Variants in SCUBE1 observed in about 807,000 individuals in gnomAD.
SCUBE1 encodes signal peptide, CUB domain and EGF like domain containing 1.
SCUBE1 carries 59 observed loss-of-function variants against 124.4 expected under a neutral mutation model. The observed-to-expected ratio is 0.47, with a 90% CI of 0.38 to 0.59. SCUBE1 has a LOEUF of 0.59. Among genes scored for constraint, SCUBE1 ranks in the 20% least tolerant of loss-of-function variants. The pLI, the probability that SCUBE1 is intolerant of heterozygous loss-of-function variation, is 0.00. For missense variants in SCUBE1, 1,150 were observed against 1,371.2 expected (o/e 0.84, Z 2.55); for synonymous variants, 545 against 550.9 (o/e 0.99, Z 0.15).
At chr22:43,225,130 C>T (rs996893803) in intron 10 of SCUBE1, among the ~76,000 whole-genome samples, 10 of 152,114 alleles carry the variant, frequency 6.6e-5, no homozygotes, top group African/African-American at 1.2e-4. Context: ...TCAAACCTTC[C>T]GAAATCCACT....
intron 2 of SCUBE1, among the ~76,000 whole-genome samples, chr22:43,330,539 C>T (rs1926872042): frequency 6.6e-6 from 1 of 152,228 alleles, no homozygotes; most frequent in Non-Finnish European, 1.5e-5. Context: ...AGGCAGGAAA[C>T]ATGTTTTGGC....
chr22:43,309,631 CCATTT>C (rs1238493759), intron 3 of SCUBE1, among the ~76,000 whole-genome samples: 1 of 152,136 alleles, frequency 6.6e-6, no homozygotes, highest in Admixed American at 6.5e-5. Context: ...TGCACCATCT[CCATTT>C]CGATGGCTGC....
At position 43,258,920 on chromosome 22, in the gene SCUBE1, G is replaced by C. The variant is rs773869081; in HGVS notation, c.611-585C>G. Among the ~76,000 whole-genome samples the C allele has an allele frequency of 6.6e-6, 1 of 152,158 alleles. No individual in the cohort carries two copies. The highest frequency in any genetic ancestry group is 1.5e-5 in the Non-Finnish European group (1 of 68,032). ...ATCCTCCGGGAGCTCGGCAATGTCC[G>C]AACAGACAGACTCATGCAAGTTAAT... is the stretch of plus-strand genomic sequence containing the variant. On this transcript the variant is annotated intron_variant, in intron 5 of 21. Transcript: ENST00000360835. The surrounding 1 kb of genome is among the most constrained non-coding windows in gnomAD (Gnocchi z 5.0).
At chr22:43,232,092 C>CTCCCCAAGCTTCACCACT in intron 7 of SCUBE1, 1 of 566,614 alleles carries the variant, frequency 1.8e-6, no homozygotes, top group Non-Finnish European at 3.2e-6. Context: ...GAAGGGCCAG[C>CTCCCCAAGCTTCACCACT]TCCCCAAGCT....
chr22:43,232,370 C>T (rs554740955), intron 7 of SCUBE1: 92 of 158,048 alleles, frequency 5.8e-4, no homozygotes, highest in Non-Finnish European at 1.1e-3. Flanking sequence ...AAGGATATCA[C>T]GAGGACTAGG....
chr22:43,250,870 T>C lies in SCUBE1; in HGVS notation c.727+7349A>G, dbSNP rs934544581. Among the ~76,000 whole-genome samples the C allele has an allele frequency of 6.6e-5, 10 of 152,128 alleles. 1 individual carries two copies. The highest frequency in any genetic ancestry group is 3.9e-4 in the Admixed American group (6 of 15,286). On this transcript the variant is annotated intron_variant, in intron 6 of 21. Transcript: ENST00000360835. ...ACAGGAGGAACATCACAGCCAGAAA[T>C]GCTACTGGGCCTGCAGAACCGCGTC...
In SCUBE1 at chr22:43,231,943, C is replaced by G. The variant is rs735704; in HGVS notation, c.845-68G>C. On this transcript the variant is annotated intron_variant, in intron 7 of 21. Coordinates refer to ENST00000360835, the MANE Select transcript of SCUBE1 (RefSeq NM_173050.5). ...TCAGCTTGTGTGACCAGCGGGGGGA[C>G]GGCAGGCTAGCGGCAGGGGATGACA... 5.7e-6 allele frequency: 9 copies of G among 1,586,382 alleles called. No homozygotes were observed. In the South Asian group the frequency reaches 1.0e-4, roughly 18 times the overall value.
chr22:43,330,409 A>G (rs1926867965), intron 2 of SCUBE1, among the ~76,000 whole-genome samples: 1 of 152,184 alleles, frequency 6.6e-6, no homozygotes, highest in Non-Finnish European at 1.5e-5. Flanking sequence ...TCCCCTCCTC[A>G]GGCAGAGATA....
chr22:43,286,527 G>A (rs1032396726), intron 4 of SCUBE1, among the ~76,000 whole-genome samples: 3 of 152,262 alleles, frequency 2.0e-5, no homozygotes, highest in Admixed American at 6.5e-5. Flanking sequence ...GTGAGGCCCA[G>A]TGTCAGTGCT....
intron 21 of SCUBE1, among the ~76,000 whole-genome samples, chr22:43,205,598 TCACCACACACC>T (rs1921197802): frequency 7.0e-6 from 1 of 141,870 alleles, no homozygotes; most frequent in South Asian, 2.3e-4. Flanking sequence ...ACACACCCAC[TCACCACACACC>T]CACCACACCC....
intron 6 of SCUBE1, among the ~76,000 whole-genome samples, chr22:43,257,294 A>G (rs1257925948): frequency 6.6e-6 from 1 of 152,124 alleles, no homozygotes; most frequent in Non-Finnish European, 1.5e-5. Context: ...TTCCAGATTG[A>G]CGATAAGAAA....
chr22:43,278,429 C>A (rs1398777222), intron 4 of SCUBE1, among the ~76,000 whole-genome samples: 1 of 152,288 alleles, frequency 6.6e-6, no homozygotes, highest in East Asian at 1.9e-4. Flanking sequence ...GCCGTGCTGC[C>A]CCAGCACTCA....
At chr22:43,272,144 C>T (rs1048557925) in intron 4 of SCUBE1, among the ~76,000 whole-genome samples, 1 of 152,194 alleles carries the variant, frequency 6.6e-6, no homozygotes, top group African/African-American at 2.4e-5. Flanking sequence ...TCGTCCTTCT[C>T]ACTGCCCCCT....
intron 3 of SCUBE1, among the ~76,000 whole-genome samples, chr22:43,312,584 AGTTGGATGGGGTAAGACAAGGTCCC>A (rs1926208517): frequency 2.6e-5 from 4 of 152,146 alleles, no homozygotes; most frequent in Non-Finnish European, 5.9e-5. Context: ...GGCTCCGTAC[AGTTGGATGGGGTAAGACAAGGTCCC>A]AAGGGTGGCT....
intron 6 of SCUBE1, among the ~76,000 whole-genome samples, chr22:43,257,441 GA>G (rs1195807680): frequency 6.6e-6 from 1 of 152,174 alleles, no homozygotes; most frequent in African/African-American, 2.4e-5. Context: ...TTAAGTGGGA[GA>G]AAAAAACCTA....
In SCUBE1 at chr22:43,255,094, T is replaced by C. The variant is rs1272509305; in HGVS notation, c.727+3125A>G. On this transcript the variant is annotated intron_variant, in intron 6 of 21. Transcript: ENST00000360835. This position sits in a 1 kb window ranked among gnomAD's most constrained non-coding sequence, Gnocchi z 4.7. ...AGTCTCAGTGCTGCTTTGCTGAGCC[T>C]GGGAATCCTAACTGTGAATGTGGGT... is the stretch of plus-strand genomic sequence containing the variant. Among the ~76,000 whole-genome samples, 1 of 152,238 alleles carries C rather than the reference T, an allele frequency of 6.6e-6. No individual in the cohort carries two copies. Among genetic ancestry groups the C allele is most frequent in the Non-Finnish European group, 1.5e-5 (1 of 68,036 alleles).
At chr22:43,227,576 AG>A in intron 9 of SCUBE1, 80 bp from the exon 10 acceptor site, 2 of 1,560,304 alleles carry the variant, frequency 1.3e-6, no homozygotes, top group East Asian at 2.3e-5. Context: ...CCAGGGCAAG[AG>A]GGCAAGAATC....
chr22:43,210,870 G>T lies in SCUBE1; in HGVS notation c.2383+52C>A. The T allele has an allele frequency of 1.9e-6, 3 of 1,599,186 alleles. No homozygotes were observed. Among genetic ancestry groups the T allele is most frequent in the Middle Eastern group, 1.7e-4 (1 of 5,904 alleles). ...AGGTCTCCTCCCGCCCCCACAACCTGCCCAGCCCCTCCCGTGTTCCCAGCT... is the reference window on the plus strand; with the variant it reads ...AGGTCTCCTCCCGCCCCCACAACCTTCCCAGCCCCTCCCGTGTTCCCAGCT... On this transcript the variant is annotated intron_variant, in intron 18 of 21. Coordinates refer to ENST00000360835, the MANE Select transcript of SCUBE1 (RefSeq NM_173050.5). The surrounding 1 kb of genome is among the most constrained non-coding windows in gnomAD (Gnocchi z 4.5).
At chr22:43,222,793 G>T in intron 11 of SCUBE1, 51 bp from the exon 12 acceptor site, 1 of 1,397,938 alleles carries the variant, frequency 7.2e-7, no homozygotes, top group Non-Finnish European at 9.9e-7. Context: ...CCCTCCCACG[G>T]CCCTCAGATT....
Sources: gnomAD v4.1 joint callset for allele counts (sites outside exome capture counted in the v4.1 genomes callset) on GRCh38, gnomAD v4.1.1 for gene constraint, Gnocchi (gnomAD v3.1) non-coding constraint, MANE v1.5 for transcripts, NCBI Gene and HGNC (gene_info 2026-07-23, HGNC 2026-07-21) for gene names.